Variants in TP63 observed in about 807,000 individuals in gnomAD.
The protein encoded by TP63 is tumor protein 63.
Under a neutral mutation model 82.8 loss-of-function variants are expected in TP63, and 17 were observed. The ratio of observed to expected loss-of-function variants is 0.21; its 90% CI spans 0.14 to 0.31. The LOEUF (loss-of-function observed/expected upper bound fraction) is 0.31, where lower values mean the gene tolerates loss of function less well. TP63 is among the 10% of genes least tolerant of loss of function. The pLI, the probability that TP63 is intolerant of heterozygous loss-of-function variation, is 1.00. For synonymous variants in TP63, 330 were observed against 321.7 expected (o/e 1.03, Z -0.28); for missense variants, 648 against 895.3 (o/e 0.72, Z 3.52).
chr3:189,808,476 T>G lies in TP63; in HGVS notation c.529T>G (p.Phe177Val), dbSNP rs747443275. The G allele has an allele frequency of 3.7e-6, 6 of 1,614,188 alleles. No individual in the cohort carries two copies. The highest frequency in any genetic ancestry group is 1.7e-5 in the Admixed American group (1 of 60,028). The change falls in exon 4 of 14, where the codon TTC (phenylalanine) becomes GTC (valine). Residue 177 changes from phenylalanine to valine, a missense_variant. By Grantham distance (50) the Phe-to-Val change is conservative. Around this residue, in one of 5 missense-constraint regions of TP63, gnomAD observed 64 missense variants for 144.2 expected, o/e 0.44. Transcript: ENST00000264731. ...SNTDYPGPHS[F>V]DVSFQQSSTA... Reference sequence around the variant, plus strand: ...CACCGACTACCCAGGCCCGCACAGTTTCGACGTGTCCTTCCAGCAGTCGAG... The same window carrying G: ...CACCGACTACCCAGGCCCGCACAGTGTCGACGTGTCCTTCCAGCAGTCGAG...
At chr3:189,837,912 A>G (rs1026135672) in intron 4 of TP63, among the ~76,000 whole-genome samples, 4 of 152,168 alleles carry the variant, frequency 2.6e-5, no homozygotes, top group Non-Finnish European at 5.9e-5. Context: ...TGCATGAGCC[A>G]TTGTGCCTGG....
At chr3:189,842,205 G>A (rs546310640) in intron 4 of TP63, among the ~76,000 whole-genome samples, 3 of 152,028 alleles carry the variant, frequency 2.0e-5, no homozygotes, top group Non-Finnish European at 4.4e-5. Context: ...GGGTTGCAAC[G>A]TATTGTCTTC....
chr3:189,736,423 T>G (rs1720600357), intron 1 of TP63, among the ~76,000 whole-genome samples: 1 of 152,108 alleles, frequency 6.6e-6, no homozygotes. Flanking sequence ...GCCCACTGTG[T>G]ACCATTAGCT....
chr3:189,626,068 A>C, the TP63 span, among the ~76,000 whole-genome samples: 1 of 152,196 alleles, frequency 6.6e-6, no homozygotes, highest in Non-Finnish European at 1.5e-5. Context: ...GAAGAAGCAC[A>C]TGGCTAAGGT....
chr3:189,822,557 A>C (rs1728905311), intron 4 of TP63, among the ~76,000 whole-genome samples: 1 of 152,156 alleles, frequency 6.6e-6, no homozygotes, highest in Non-Finnish European at 1.5e-5. Flanking sequence ...TTCCAGGAAG[A>C]TGAGTAGTAT....
intron 4 of TP63, among the ~76,000 whole-genome samples, chr3:189,860,266 G>A (rs1400695741): frequency 2.6e-5 from 4 of 152,128 alleles, no homozygotes; most frequent in African/African-American, 7.2e-5. Context: ...AGCCATGTGT[G>A]TTCAAATTTA....
At chr3:189,762,318 G>A (rs541671126) in intron 3 of TP63, among the ~76,000 whole-genome samples, 39 of 152,134 alleles carry the variant, frequency 2.6e-4, no homozygotes, top group Admixed American at 7.9e-4. Context: ...TGTCAGAGTC[G>A]TGGTGTTTAA....
At chr3:189,599,353 T>C in the TP63 span, among the ~76,000 whole-genome samples, 1 of 152,218 alleles carries the variant, frequency 6.6e-6, no homozygotes, top group African/African-American at 2.4e-5. Flanking sequence ...GGGTGTCAGC[T>C]TCTTTGAAAT....
chr3:189,875,231 A>G (rs1718904272), intron 10 of TP63, among the ~76,000 whole-genome samples: 1 of 151,920 alleles, frequency 6.6e-6, no homozygotes, highest in South Asian at 2.1e-4. Context: ...TAATTTTCAC[A>G]TGCCGTGAAA....
chr3:189,627,869 C>T (rs1399445668), upstream of TP63, among the ~76,000 whole-genome samples: 1 of 152,084 alleles, frequency 6.6e-6, no homozygotes, highest in Non-Finnish European at 1.5e-5. Context: ...TGGCGAATTT[C>T]ATTGTATGTA....
chr3:189,889,272 A>T, intron 11 of TP63, 68 bp from the exon 12 acceptor site: 1 of 1,612,208 alleles, frequency 6.2e-7, no homozygotes, highest in Admixed American at 1.7e-5. Flanking sequence ...ACCAGACAAG[A>T]TGGACCACTG....
At chr3:189,646,686 G>T (rs1357791786) in intron 1 of TP63, among the ~76,000 whole-genome samples, 1 of 146,824 alleles carries the variant, frequency 6.8e-6, no homozygotes, top group Admixed American at 6.7e-5. Flanking sequence ...TATAAGGCAG[G>T]TGGGAATCTG....
At chr3:189,631,264 G>A, upstream of TP63, 1 of 985,366 alleles carries the variant, frequency 1.0e-6, no homozygotes, top group Non-Finnish European at 1.2e-6. Context: ...CAGTAGAGAG[G>A]ATGCCCAGCT....
At chr3:189,799,046 G>A (rs960220448) in intron 3 of TP63, among the ~76,000 whole-genome samples, 3 of 152,012 alleles carry the variant, frequency 2.0e-5, no homozygotes, top group Admixed American at 6.6e-5. Context: ...AGTGTTCCCC[G>A]CTTGAATGCC....
intron 4 of TP63, among the ~76,000 whole-genome samples, chr3:189,840,362 T>C (rs1334425095): frequency 0.17 from 15,818 of 92,570 alleles, 2,431 homozygotes; most frequent in Non-Finnish European, 0.21. Context: ...TTTTCGTCTT[T>C]TTTTTTTTTT....
chr3:189,649,923 G>T lies in TP63; in HGVS notation c.62+18346G>T, dbSNP rs1712750193. Among the ~76,000 whole-genome samples, 2 of 146,786 alleles carry T rather than the reference G, an allele frequency of 1.4e-5. 1 individual carries two copies. Among genetic ancestry groups the T allele is most frequent in the Non-Finnish European group, 3.0e-5 (2 of 67,218 alleles). ...TAACTTTTTTTCAAAGGATTTTATT[G>T]TCTCATATTTTAAAGAATGACTTTG... On this transcript the variant is annotated intron_variant, in intron 1 of 13. Coordinates refer to ENST00000264731, the MANE Select transcript of TP63 (RefSeq NM_003722.5).
intron 10 of TP63, among the ~76,000 whole-genome samples, chr3:189,874,129 G>A (rs1191644175): frequency 6.6e-6 from 1 of 152,110 alleles, no homozygotes; most frequent in Admixed American, 6.5e-5. Context: ...GAGTGCAGTG[G>A]CACTTTCTTG....
chr3:189,763,478 C>T (rs1258358311), intron 3 of TP63, among the ~76,000 whole-genome samples: 1 of 152,140 alleles, frequency 6.6e-6, no homozygotes, highest in Non-Finnish European at 1.5e-5. Flanking sequence ...CAAATTCTGC[C>T]CCTAAGGATT....
intron 3 of TP63, among the ~76,000 whole-genome samples, chr3:189,795,143 C>G (rs927903547): frequency 6.6e-6 from 1 of 152,062 alleles, no homozygotes; most frequent in Non-Finnish European, 1.5e-5. Flanking sequence ...CACACACTAA[C>G]ACTCCACCCC....
Sources: allele counts gnomAD v4.1 joint callset (sites outside exome capture counted in the v4.1 genomes callset), GRCh38; gene constraint gnomAD v4.1.1; regional missense constraint gnomAD v4.1.1; transcripts MANE v1.5; gene names NCBI Gene and HGNC (gene_info 2026-07-23, HGNC 2026-07-21).